GALNT10: variants seen among roughly 807,000 people sequenced by gnomAD.
The protein encoded by GALNT10 is polypeptide N-acetylgalactosaminyltransferase 10.
A neutral mutation model predicts 75.0 loss-of-function variants in GALNT10; 41 were observed. The ratio of observed to expected loss-of-function variants is 0.55; its 90% confidence interval spans 0.43 to 0.71. The LOEUF (loss-of-function observed/expected upper bound fraction) is 0.71, where lower values mean the gene tolerates loss of function less well. Ranked by LOEUF, GALNT10 falls within the 30% of genes least tolerant of loss-of-function variation. The probability of loss-of-function intolerance (pLI) is 0.00; values close to 1 mark genes in which losing one functional copy is unlikely to be tolerated. For synonymous variants in GALNT10, 302 were observed against 313.0 expected (o/e 0.96, Z 0.37); for missense variants, 727 against 818.5 (o/e 0.89, Z 1.36).
chr5:154,325,520 C>G (rs943994369), intron 3 of GALNT10, among the ~76,000 whole-genome samples: 2 of 151,768 alleles, frequency 1.3e-5, no homozygotes, highest in African/African-American at 4.8e-5. Flanking sequence ...TACACTGTGA[C>G]CAAGTAGGAT....
At chr5:154,400,205 G>A (rs1756130208) in intron 7 of GALNT10, among the ~76,000 whole-genome samples, 1 of 152,158 alleles carries the variant, frequency 6.6e-6, no homozygotes, top group South Asian at 2.1e-4. Flanking sequence ...AGCCATGGCG[G>A]GGGCGGGGGT....
intron 4 of GALNT10, among the ~76,000 whole-genome samples, chr5:154,350,768 G>A (rs1002564730): frequency 2.0e-5 from 3 of 152,178 alleles, no homozygotes; most frequent in South Asian, 2.1e-4. Flanking sequence ...CCCGCACACC[G>A]CTAGCAAATA....
rs1176371427 is a variant in GALNT10, at chr5:154,412,676, C to G, written c.1387-213C>G. Reference sequence around the variant, plus strand: ...TCTGCATACTCTACAATACTACTTACAGCAGTGCTTTAAGGATTACATTCT... The same window carrying G: ...TCTGCATACTCTACAATACTACTTAGAGCAGTGCTTTAAGGATTACATTCT... On this transcript the variant is annotated intron_variant, in intron 9 of 11. Transcript: ENST00000297107. This position sits in a 1 kb window ranked among gnomAD's most constrained non-coding sequence, Gnocchi z 4.2. 2.0e-6 allele frequency: 1 copy of G among 507,176 alleles called. No homozygotes were observed. Among genetic ancestry groups the G allele is most frequent in the Non-Finnish European group, 3.6e-6 (1 of 276,868 alleles). 31.4% of individuals were successfully genotyped at this position (507,176 alleles called of 1,614,324 possible).
chr5:154,382,322 T>G (rs1197535322), intron 6 of GALNT10, among the ~76,000 whole-genome samples: 2 of 152,212 alleles, frequency 1.3e-5, no homozygotes, highest in Non-Finnish European at 2.9e-5. Flanking sequence ...GTCAAACATT[T>G]GTGGTCTTCT....
At position 154,417,180 on chromosome 5, in the gene GALNT10, A is replaced by G. The variant is rs916931823; in HGVS notation, c.*208A>G. Reference sequence around the variant, plus strand: ...GGGTAGGGTGAAGAGCATATCCCACAAGAGGCCCCACAGGGAGCAGAGACT... The same window carrying G: ...GGGTAGGGTGAAGAGCATATCCCACGAGAGGCCCCACAGGGAGCAGAGACT... On this transcript the variant is annotated 3_prime_UTR_variant, in exon 12 of 12. Transcript: ENST00000297107. The G allele has an allele frequency of 1.4e-5, 8 of 570,554 alleles. No individual in the cohort carries two copies. Among genetic ancestry groups the G allele is most frequent in the Non-Finnish European group, 2.2e-5 (7 of 319,224 alleles). The allele number at this position is 570,554 out of a possible 1,614,324, so 35.3% of individuals were successfully genotyped here. A position where few individuals can be genotyped will look rare whatever the true frequency, so the allele number is the denominator to read the frequency against.
chr5:154,302,872 A>G (rs189976749), intron 3 of GALNT10, among the ~76,000 whole-genome samples: 6 of 152,312 alleles, frequency 3.9e-5, no homozygotes, highest in Admixed American at 3.9e-4. Flanking sequence ...GTACCTTTAC[A>G]TCCCTAACAG....
At chr5:154,320,251 T>C (rs1754653123) in intron 3 of GALNT10, among the ~76,000 whole-genome samples, 1 of 152,204 alleles carries the variant, frequency 6.6e-6, no homozygotes. Flanking sequence ...AGCCTTTTAT[T>C]TGAGTTCTGA....
intron 3 of GALNT10, among the ~76,000 whole-genome samples, chr5:154,302,517 G>A (rs534796592): frequency 6.6e-6 from 1 of 152,390 alleles, no homozygotes; most frequent in African/African-American, 2.4e-5. Flanking sequence ...CCAGAGCACA[G>A]GGCTGATGGC....
Position 154,416,480 on chromosome 5 carries a change from TACACACACACACAC to T in GALNT10, c.1654-309_1654-296del, listed in dbSNP as rs70978542. On this transcript the variant is annotated intron_variant, in intron 11 of 11. Coordinates refer to ENST00000297107, the MANE Select transcript of GALNT10 (RefSeq NM_198321.4). This position sits in a 1 kb window ranked among gnomAD's most constrained non-coding sequence, Gnocchi z 4.5. Reference sequence around the variant, plus strand: ...AAATAAAAGATAAAAGGAAAGCACATACACACACACACACACACACACACACACACACACACACG... The same window carrying T: ...AAATAAAAGATAAAAGGAAAGCACATACACACACACACACACACACACACG... Among the ~76,000 whole-genome samples, 3 of 141,828 alleles carry T rather than the reference TACACACACACACAC, an allele frequency of 2.1e-5. No homozygotes were observed. Among genetic ancestry groups the T allele is most frequent in the Admixed American group, 6.9e-5 (1 of 14,448 alleles). The allele number at this position is 141,828 out of a possible 152,430, so 93.0% of individuals were successfully genotyped here.
chr5:154,191,715 G>A (rs1007335060), intron 1 of GALNT10, among the ~76,000 whole-genome samples: 1 of 152,248 alleles, frequency 6.6e-6, no homozygotes, highest in Admixed American at 6.5e-5. Context: ...GACCTTATGG[G>A]AGTCCAGAGG....
intron 4 of GALNT10, chr5:154,347,322 A>G (rs10515707): frequency 0.074 from 31,889 of 433,246 alleles, 1,307 homozygotes; most frequent in Middle Eastern, 0.15. Context: ...ACTATTATGC[A>G]CTACTTCCTG....
At chr5:154,374,506 T>G (rs1755626739) in intron 4 of GALNT10, among the ~76,000 whole-genome samples, 1 of 152,220 alleles carries the variant, frequency 6.6e-6, no homozygotes, top group Admixed American at 6.5e-5. Context: ...ATTCATTCAT[T>G]GAGACAGGTT....
chr5:154,331,143 G>T (rs59835581), intron 4 of GALNT10, among the ~76,000 whole-genome samples: 1,710 of 152,164 alleles, frequency 0.011, 32 homozygotes, highest in African/African-American at 0.039. Flanking sequence ...TGATTGCAGG[G>T]ACTACCACAT....
chr5:154,228,374 G>C (rs757704414), intron 1 of GALNT10, among the ~76,000 whole-genome samples: 37 of 152,248 alleles, frequency 2.4e-4, no homozygotes, highest in Non-Finnish European at 4.3e-4. Flanking sequence ...TCAAAAATTA[G>C]TTGCCCATAT....
intron 7 of GALNT10, among the ~76,000 whole-genome samples, chr5:154,389,783 C>A (rs1169275352): frequency 1.3e-5 from 2 of 151,742 alleles, no homozygotes; most frequent in Non-Finnish European, 2.9e-5. Context: ...AATATATATT[C>A]CAATTTTATT....
chr5:154,380,477 G>A lies in GALNT10; in HGVS notation c.784G>A (p.Val262Met). ...CATTGCTCGGAACCGCAAGACCATT[G>A]TGTGCCCGATGATTGATGTAATTGA... ...DRIARNRKTI[V>M]CPMIDVIDHD... Residue 262 changes from valine (V) to methionine (M), a missense_variant, in exon 6 of 12, where the codon GTG becomes ATG. Physicochemically the swap from Val to Met is conservative, Grantham distance 21. Coordinates refer to ENST00000297107, the MANE Select transcript of GALNT10 (RefSeq NM_198321.4). 1.2e-6 allele frequency: 2 copies of A among 1,614,092 alleles called. No homozygotes were observed. The highest frequency in any genetic ancestry group is 1.7e-6 in the Non-Finnish European group (2 of 1,179,980).
At chr5:154,413,630 A>G (rs1756445562) in intron 10 of GALNT10, among the ~76,000 whole-genome samples, 1 of 152,178 alleles carries the variant, frequency 6.6e-6, no homozygotes, top group Non-Finnish European at 1.5e-5. Context: ...AGGAAGAGCC[A>G]CTGCTCAGAC....
At chr5:154,348,306 A>G (rs1246798890) in intron 4 of GALNT10, among the ~76,000 whole-genome samples, 1 of 152,242 alleles carries the variant, frequency 6.6e-6, no homozygotes, top group Non-Finnish European at 1.5e-5. Flanking sequence ...GTCCATTTGT[A>G]ATACCATCTT....
At chr5:154,386,214 C>A in intron 6 of GALNT10, 99 bp from the exon 7 acceptor site, 1 of 836,686 alleles carries the variant, frequency 1.2e-6, no homozygotes, top group South Asian at 1.6e-5. Flanking sequence ...CAGGGAGCAG[C>A]ATGGAACACC....
Sources: gnomAD v4.1 joint callset for allele counts (sites outside exome capture counted in the v4.1 genomes callset) on GRCh38, gnomAD v4.1.1 for gene constraint, Gnocchi (gnomAD v3.1) non-coding constraint, MANE v1.5 for transcripts, NCBI Gene and HGNC (gene_info 2026-07-23, HGNC 2026-07-21) for gene names.